The following DMD variants were observed in gnomAD, a reference collection of about 807,000 sequenced individuals.
DMD encodes mutant dystrophin.
In DMD, 63 loss-of-function variants were observed where a neutral mutation model predicts 330.1. That is an observed-to-expected ratio of 0.19 (90% CI 0.16 to 0.24). The LOEUF (loss-of-function observed/expected upper bound fraction) is 0.24, where lower values mean the gene tolerates loss of function less well. Ranked by LOEUF, DMD falls within the 10% of genes least tolerant of loss-of-function variation. The probability of loss-of-function intolerance (pLI) is 1.00; values close to 1 mark genes in which losing one functional copy is unlikely to be tolerated. For synonymous variants in DMD, 1,223 were observed against 959.8 expected, an observed-to-expected ratio of 1.27 and a Z score of -5.07; for missense variants, 3,344 against 2,684.1, an observed-to-expected ratio of 1.25 and a Z score of -5.43.
chrX:33,246,446 C>A (rs1384552552), intron 1 of DMD, among the ~76,000 whole-genome samples: 3 of 111,465 alleles, frequency 2.7e-5, no homozygotes, highest in Non-Finnish European at 5.6e-5. Context: ...GCCACCATTT[C>A]TAATTCTTCT....
At chrX:33,186,217 C>T (rs192357255) in intron 1 of DMD, among the ~76,000 whole-genome samples, 54 of 112,203 alleles carry the variant, frequency 4.8e-4, no homozygotes, top group African/African-American at 1.7e-3. Flanking sequence ...TTCTGAGCTA[C>T]TGCTTTTGTA....
At chrX:31,343,582 AGTGTGTGTGTGT>A (rs56312485) in intron 61 of DMD, among the ~76,000 whole-genome samples, 13 of 87,646 alleles carry the variant, frequency 1.5e-4, no homozygotes, top group Non-Finnish European at 2.7e-4. Context: ...TCCAAAGGGG[AGTGTGTGTGTGT>A]GTGTGTGTGT....
chrX:31,821,650 T>G (rs1213034468), intron 49 of DMD, among the ~76,000 whole-genome samples: 3 of 112,145 alleles, frequency 2.7e-5, no homozygotes, highest in Admixed American at 9.5e-5. Flanking sequence ...GTTAAGCCAC[T>G]GAAATATTTA....
At chrX:32,634,173 G>A (rs1383934521) in intron 11 of DMD, among the ~76,000 whole-genome samples, 1 of 111,715 alleles carries the variant, frequency 9.0e-6, no homozygotes, top group Admixed American at 9.5e-5. Flanking sequence ...ACTGTCTGAG[G>A]TCCAATGTTC....
chrX:31,270,478 G>T (rs2051543872), intron 62 of DMD, among the ~76,000 whole-genome samples: 1 of 111,966 alleles, frequency 8.9e-6, no homozygotes, highest in South Asian at 3.8e-4. Flanking sequence ...AGAGCTTCTG[G>T]CCTTTTGAGG....
chrX:32,017,133 TCA>T (rs1301886873), intron 44 of DMD, among the ~76,000 whole-genome samples: 2 of 112,182 alleles, frequency 1.8e-5, no homozygotes, highest in Admixed American at 1.9e-4. Context: ...GAATTTCTTC[TCA>T]GATATGTCTG....
At chrX:33,319,165 T>C (rs942199744) in intron 1 of DMD, among the ~76,000 whole-genome samples, 1 of 110,828 alleles carries the variant, frequency 9.0e-6, no homozygotes, top group Admixed American at 9.7e-5. Flanking sequence ...ATCTTGGACT[T>C]CCCAGCCTCC....
intron 50 of DMD, among the ~76,000 whole-genome samples, chrX:31,777,399 C>G (rs2090739182): frequency 9.0e-6 from 1 of 110,875 alleles, no homozygotes; most frequent in Non-Finnish European, 1.9e-5. Context: ...GGAAATAGCT[C>G]TGAATCAGAA....
chrX:31,991,761 T>TAAA (rs35367607), intron 44 of DMD, among the ~76,000 whole-genome samples: 41,429 of 88,346 alleles, frequency 0.47, 9,269 homozygotes, highest in Non-Finnish European at 0.59. Flanking sequence ...TTACAGACTT[T>TAAA]AAAAAAAAAA....
At chrX:33,300,885 G>T (rs1175730664) in intron 1 of DMD, among the ~76,000 whole-genome samples, 1 of 111,756 alleles carries the variant, frequency 8.9e-6, no homozygotes, top group Non-Finnish European at 1.9e-5. Context: ...AATCAAGGGA[G>T]TTTAAACATA....
intron 50 of DMD, among the ~76,000 whole-genome samples, chrX:31,790,402 T>G (rs1255466015): frequency 8.9e-6 from 1 of 111,852 alleles, no homozygotes. Flanking sequence ...GTTCGGATCC[T>G]TTCATGCATC....
chrX:31,606,248 C>T (rs1344423367), intron 55 of DMD, among the ~76,000 whole-genome samples: 1 of 111,970 alleles, frequency 8.9e-6, no homozygotes, highest in Non-Finnish European at 1.9e-5. Context: ...GTCAATTAAA[C>T]CTCTTTCCTT....
intron 7 of DMD, among the ~76,000 whole-genome samples, chrX:32,723,421 T>A (rs2066538938): frequency 9.0e-6 from 1 of 111,495 alleles, no homozygotes; most frequent in Admixed American, 9.6e-5. Context: ...GTATTTAGGG[T>A]GATGCTGAAG....
chrX:32,135,726 A>C (rs372940466), intron 44 of DMD, among the ~76,000 whole-genome samples: 1 of 112,520 alleles, frequency 8.9e-6, no homozygotes, highest in East Asian at 2.8e-4. Context: ...TCTCAAAAAA[A>C]TGTGATCCAC....
intron 13 of DMD, among the ~76,000 whole-genome samples, chrX:32,594,963 T>C (rs1030919031): frequency 4.5e-5 from 5 of 111,710 alleles, no homozygotes; most frequent in Non-Finnish European, 9.4e-5. Context: ...TCTCTCCACT[T>C]GATTCCTTTT....
intron 2 of DMD, among the ~76,000 whole-genome samples, chrX:32,967,790 T>C (rs1294876860): frequency 2.7e-5 from 3 of 111,827 alleles, no homozygotes; most frequent in Non-Finnish European, 5.6e-5. Context: ...AAATGTAATC[T>C]CGGTTGAACA....
At chrX:31,362,015 CACGGTTGTTTGCAAAGA>C (rs1339043793) in intron 60 of DMD, among the ~76,000 whole-genome samples, 1 of 112,091 alleles carries the variant, frequency 8.9e-6, no homozygotes. Flanking sequence ...TTAACCATTT[CACGGTTGTTTGCAAAGA>C]ACTTTCAAAA....
At chrX:33,155,092 C>T (rs1185996995) in intron 1 of DMD, among the ~76,000 whole-genome samples, 1 of 111,840 alleles carries the variant, frequency 8.9e-6, no homozygotes, top group Non-Finnish European at 1.9e-5. Context: ...ATTCACACAG[C>T]TCTACCCTGA....
At position 32,644,325 on chromosome X, in the gene DMD, G is replaced by A; in HGVS notation, c.1150-12C>T. ...TCCATCATGTACCCCTGACAAAGAA[G>A]GAAGTTAACAATTGTAATTAGAACT... On this transcript the variant is annotated splice_polypyrimidine_tract_variant and intron_variant, in intron 10 of 78. Coordinates refer to ENST00000357033, the MANE Select transcript of DMD (RefSeq NM_004006.3). The A allele has an allele frequency of 1.7e-6, 2 of 1,208,609 alleles. No individual in the cohort carries two copies. The highest frequency in any genetic ancestry group is 1.1e-6 in the Non-Finnish European group (1 of 892,981).
Sources: allele counts gnomAD v4.1 joint callset (sites outside exome capture counted in the v4.1 genomes callset), GRCh38; gene constraint gnomAD v4.1.1; transcripts MANE v1.5; gene names NCBI Gene and HGNC (gene_info 2026-07-23, HGNC 2026-07-21).